Variants in PTK2 observed in about 807,000 individuals in gnomAD.
PTK2 encodes focal adhesion kinase 1.
In PTK2, 45 loss-of-function variants were observed where a neutral mutation model predicts 150.1. The observed-to-expected ratio is 0.30, with a 90% CI of 0.24 to 0.38. The LOEUF (loss-of-function observed/expected upper bound fraction) is 0.38. Among genes scored for constraint, PTK2 ranks in the 10% least tolerant of loss-of-function variants. PTK2 has a pLI of 1.00. For missense variants in PTK2, 919 were observed against 1,307.3 expected (o/e 0.70, Z 4.58); for synonymous variants, 432 against 449.2 (o/e 0.96, Z 0.48).
At chr8:140,828,609 C>T (rs1178204001) in intron 8 of PTK2, among the ~76,000 whole-genome samples, 5 of 152,302 alleles carry the variant, frequency 3.3e-5, no homozygotes, top group Admixed American at 6.5e-5. Flanking sequence ...TAACCATCAA[C>T]AGAACATTGG....
At chr8:140,973,894 T>C (rs1454942734) in intron 1 of PTK2, among the ~76,000 whole-genome samples, 2 of 152,282 alleles carry the variant, frequency 1.3e-5, no homozygotes, top group East Asian at 3.9e-4. Context: ...CTAGATTCCA[T>C]CATTTCTTAT....
intron 14 of PTK2, among the ~76,000 whole-genome samples, chr8:140,785,445 A>C (rs931031434): frequency 1.3e-5 from 2 of 152,228 alleles, no homozygotes; most frequent in Admixed American, 1.3e-4. Flanking sequence ...ACTATGCATA[A>C]GAGAGAAATG....
At chr8:140,777,225 G>C (rs1454358058) in intron 14 of PTK2, among the ~76,000 whole-genome samples, 1 of 152,188 alleles carries the variant, frequency 6.6e-6, no homozygotes, top group Non-Finnish European at 1.5e-5. Context: ...TCACAGTTCT[G>C]CCAGCTTCAT....
intron 27 of PTK2, chr8:140,675,824 T>C (rs2100013282): frequency 4.9e-6 from 1 of 204,012 alleles, no homozygotes; most frequent in Non-Finnish European, 9.8e-6. Context: ...CTATGGAAAA[T>C]GAACTAGAAA....
intron 1 of PTK2, 48 bp from the exon 2 acceptor site, chr8:140,925,797 CA>C (rs1160746922): frequency 3.5e-6 from 1 of 283,508 alleles, no homozygotes; most frequent in Non-Finnish European, 5.3e-6. Flanking sequence ...TCAGTTTCTT[CA>C]TCAGCAAAAT....
intron 1 of PTK2, among the ~76,000 whole-genome samples, chr8:140,987,035 T>TA (rs1456141563): frequency 6.6e-6 from 1 of 151,944 alleles, no homozygotes; most frequent in Non-Finnish European, 1.5e-5. Context: ...TCAAAACGTA[T>TA]AATTTATGCT....
At chr8:140,811,805 G>T (rs1273846196) in intron 10 of PTK2, among the ~76,000 whole-genome samples, 1 of 152,144 alleles carries the variant, frequency 6.6e-6, no homozygotes, top group Non-Finnish European at 1.5e-5. Context: ...ACCAAGTTGA[G>T]GAAAGAATTT....
At chr8:140,738,973 T>A in intron 21 of PTK2, 45 bp downstream of exon 24, 1 of 1,318,514 alleles carries the variant, frequency 7.6e-7, no homozygotes, top group African/African-American at 1.5e-5. Context: ...GTATAACATA[T>A]GAAATATAAT....
chr8:140,758,802 C>A (rs962665861), intron 16 of PTK2, among the ~76,000 whole-genome samples: 3 of 152,164 alleles, frequency 2.0e-5, no homozygotes, highest in Non-Finnish European at 4.4e-5. Flanking sequence ...TAGTCATAAT[C>A]CAGGCCTTCA....
At chr8:140,743,173 T>C (rs948574219) in intron 20 of PTK2, 57 bp downstream of exon 23, 4 of 1,215,262 alleles carry the variant, frequency 3.3e-6, no homozygotes, top group Non-Finnish European at 4.8e-6. Flanking sequence ...CATACTGTTT[T>C]TAGAAATACG....
intron 22 of PTK2, among the ~76,000 whole-genome samples, chr8:140,722,501 G>A (rs1338963169): frequency 3.9e-5 from 6 of 152,030 alleles, no homozygotes; most frequent in African/African-American, 1.2e-4. Flanking sequence ...CTCCTGGGCT[G>A]GAGTGATCCT....
intron 1 of PTK2, among the ~76,000 whole-genome samples, chr8:140,946,231 G>A (rs2100177643): frequency 6.6e-6 from 1 of 152,150 alleles, no homozygotes; most frequent in African/African-American, 2.4e-5. Flanking sequence ...AGGGACAACT[G>A]CAATTTTCAG....
chr8:140,887,980 C>T (rs577800185), intron 3 of PTK2, among the ~76,000 whole-genome samples: 3 of 152,266 alleles, frequency 2.0e-5, no homozygotes, highest in African/African-American at 4.8e-5. Flanking sequence ...ACCTGAATAA[C>T]AATAAGCCGT....
chr8:140,693,567 A>T (rs1403837998), intron 26 of PTK2, among the ~76,000 whole-genome samples: 4,987 of 20,982 alleles, frequency 0.24, 1,022 homozygotes, highest in Non-Finnish European at 0.35. Context: ...TCTCAATTAA[A>T]AAAAAAAAAA....
At chr8:140,845,720 T>G (rs1238446126) in intron 7 of PTK2, among the ~76,000 whole-genome samples, 1 of 152,190 alleles carries the variant, frequency 6.6e-6, no homozygotes, top group African/African-American at 2.4e-5. Context: ...CAGTTATCTT[T>G]TGCTGAATTA....
chr8:140,659,497 A>G (rs762515280), exon 32 of PTK2: 1 of 1,613,176 alleles, frequency 6.2e-7, no homozygotes. Context: ...AAGCATTTTC[A>G]GTCTTGCTTG....
At chr8:140,904,355 T>C (rs896598272) in intron 2 of PTK2, among the ~76,000 whole-genome samples, 8 of 152,196 alleles carry the variant, frequency 5.3e-5, no homozygotes, top group African/African-American at 9.7e-5. Flanking sequence ...GCCGACTTGA[T>C]AGTGGTGGAT....
exon 6 of PTK2, chr8:140,846,620 T>G: frequency 6.2e-7 from 1 of 1,611,954 alleles, no homozygotes; most frequent in Non-Finnish European, 8.5e-7. Flanking sequence ...ACAACCCAAC[T>G]TCAAAGCAAT....
In PTK2 at chr8:140,780,535, A is replaced by C. The variant is rs1275496168; in HGVS notation, c.1177+8939T>G. On this transcript the variant is annotated intron_variant, in intron 14 of 31. Transcript: ENST00000522684. ...AGAGATGTAATCAGCCTAATCCAGA[A>C]TATGAGAATAGGACAAGGGACACAA... Among the ~76,000 whole-genome samples, 4 of 152,324 alleles carry C rather than the reference A, an allele frequency of 2.6e-5. No individual in the cohort carries two copies. In the East Asian group the frequency reaches 7.7e-4, roughly 29 times the overall value.
Sources: allele counts gnomAD v4.1 joint callset (sites outside exome capture counted in the v4.1 genomes callset), GRCh38; gene constraint gnomAD v4.1.1; transcripts MANE v1.5; gene names NCBI Gene and HGNC (gene_info 2026-07-23, HGNC 2026-07-21).